Variants in NKAIN2 observed in about 807,000 individuals in gnomAD.
NKAIN2 encodes sodium/potassium-transporting ATPase subunit beta-1-interacting protein 2.
NKAIN2 carries 14 observed loss-of-function variants against 32.6 expected under a neutral mutation model. The ratio of observed to expected loss-of-function variants is 0.43; its 90% CI spans 0.28 to 0.67. NKAIN2 has a LOEUF of 0.67. Among genes scored for constraint, NKAIN2 ranks in the 30% least tolerant of loss-of-function variants. The probability of loss-of-function intolerance (pLI) is 0.17; values close to 1 mark genes in which losing one functional copy is unlikely to be tolerated. For synonymous variants in NKAIN2, 80 were observed against 87.2 expected, an observed-to-expected ratio of 0.92 and a Z score of 0.46; for missense variants, 198 against 258.3, an observed-to-expected ratio of 0.77 and a Z score of 1.60.
chr6:124,526,116 G>T (rs192256609), intron 3 of NKAIN2, among the ~76,000 whole-genome samples: 305 of 152,180 alleles, frequency 2.0e-3, no homozygotes, highest in Non-Finnish European at 3.4e-3. Flanking sequence ...CTAGATAGAA[G>T]AAATGATCAT....
chr6:124,148,206 G>T (rs1397698252), intron 1 of NKAIN2, among the ~76,000 whole-genome samples: 1 of 151,904 alleles, frequency 6.6e-6, no homozygotes, highest in Non-Finnish European at 1.5e-5. Flanking sequence ...TAGAGAGTTT[G>T]CACTTTTGTG....
At chr6:124,577,548 G>A (rs750263114) in intron 3 of NKAIN2, among the ~76,000 whole-genome samples, 3 of 152,092 alleles carry the variant, frequency 2.0e-5, no homozygotes, top group African/African-American at 2.4e-5. Context: ...CTTCCCAGAC[G>A]TCAGAACCTG....
chr6:124,629,226 G>A (rs1317781269), intron 3 of NKAIN2, among the ~76,000 whole-genome samples: 3 of 152,080 alleles, frequency 2.0e-5, no homozygotes, highest in African/African-American at 7.2e-5. Context: ...AACCCCAGGG[G>A]TATAATTATC....
intron 2 of NKAIN2, among the ~76,000 whole-genome samples, chr6:124,349,258 A>G (rs947222633): frequency 6.6e-6 from 1 of 152,042 alleles, no homozygotes; most frequent in African/African-American, 2.4e-5. Flanking sequence ...ATTGAATCCC[A>G]GGTTACCACA....
intron 3 of NKAIN2, among the ~76,000 whole-genome samples, chr6:124,427,164 G>A (rs1401510769): frequency 6.6e-6 from 1 of 152,034 alleles, no homozygotes; most frequent in Non-Finnish European, 1.5e-5. Flanking sequence ...CTAGGTATTT[G>A]CCCAAGAGAA....
intron 3 of NKAIN2, among the ~76,000 whole-genome samples, chr6:124,608,908 C>T (rs1782591015): frequency 6.6e-6 from 1 of 152,146 alleles, no homozygotes; most frequent in South Asian, 2.1e-4. Flanking sequence ...GTGTTAATGA[C>T]ATTCGAGGTA....
chr6:124,791,888 C>G (rs1368701022), intron 5 of NKAIN2, among the ~76,000 whole-genome samples: 3 of 152,150 alleles, frequency 2.0e-5, no homozygotes, highest in African/African-American at 7.2e-5. Context: ...AAATGTCCAT[C>G]TGTCCTTTTT....
chr6:124,621,828 C>A (rs1172674253), intron 3 of NKAIN2, among the ~76,000 whole-genome samples: 3 of 152,118 alleles, frequency 2.0e-5, no homozygotes, highest in African/African-American at 7.2e-5. Context: ...ACTTCCTTTC[C>A]TCACTGCTTT....
chr6:123,809,599 C>T (rs547586401), intron 1 of NKAIN2, among the ~76,000 whole-genome samples: 1 of 152,088 alleles, frequency 6.6e-6, no homozygotes, highest in African/African-American at 2.4e-5. Flanking sequence ...CATGTGCGCA[C>T]GTAATAAATT....
chr6:124,663,292 G>A (rs932460244), intron 4 of NKAIN2, among the ~76,000 whole-genome samples: 3 of 151,930 alleles, frequency 2.0e-5, no homozygotes, highest in Admixed American at 2.0e-4. Flanking sequence ...ATAGCCAGGT[G>A]TGGTGGTGCA....
intron 5 of NKAIN2, among the ~76,000 whole-genome samples, chr6:124,793,641 G>A (rs1357711709): frequency 1.5e-5 from 2 of 135,562 alleles, no homozygotes; most frequent in Non-Finnish European, 1.5e-5. Flanking sequence ...CCTCTCAAAG[G>A]AAATCTCAGA....
intron 3 of NKAIN2, among the ~76,000 whole-genome samples, chr6:124,616,461 T>G: frequency 5.0e-5 from 1 of 19,882 alleles, no homozygotes; most frequent in Non-Finnish European, 1.2e-4. Context: ...TTTTTTTTTT[T>G]TTTTTTTTTT....
At chr6:124,638,005 A>G (rs2114340562) in intron 3 of NKAIN2, among the ~76,000 whole-genome samples, 1 of 152,304 alleles carries the variant, frequency 6.6e-6, no homozygotes, top group African/African-American at 2.4e-5. Flanking sequence ...AACTTAAAAA[A>G]TATATATGCT....
chr6:124,689,757 G>A (rs897550658), intron 4 of NKAIN2, among the ~76,000 whole-genome samples: 3 of 152,054 alleles, frequency 2.0e-5, no homozygotes, highest in African/African-American at 4.8e-5. Flanking sequence ...CTGTAACAAA[G>A]ATTAGTTTGA....
chr6:124,389,012 G>A (rs890996200), intron 3 of NKAIN2, among the ~76,000 whole-genome samples: 7 of 151,968 alleles, frequency 4.6e-5, no homozygotes, highest in Non-Finnish European at 7.4e-5. Flanking sequence ...TGGCTATTAC[G>A]TCAATGTTAA....
chr6:123,907,457 G>C (rs1774939707), intron 1 of NKAIN2, among the ~76,000 whole-genome samples: 2 of 151,966 alleles, frequency 1.3e-5, no homozygotes. Flanking sequence ...TGAGGAAATT[G>C]GGGCTCAAAT....
At chr6:124,091,672 C>T (rs1562352692) in intron 1 of NKAIN2, among the ~76,000 whole-genome samples, 1 of 150,534 alleles carries the variant, frequency 6.6e-6, no homozygotes, top group East Asian at 1.9e-4. Flanking sequence ...TTTTTTTTTT[C>T]CCCCCAGCTC....
intron 3 of NKAIN2, among the ~76,000 whole-genome samples, chr6:124,462,070 G>A (rs1280791546): frequency 6.6e-6 from 1 of 151,704 alleles, no homozygotes; most frequent in African/African-American, 2.4e-5. Flanking sequence ...TTAATGTTTA[G>A]GTGTCTTAAA....
chr6:124,353,928 A>G (rs1167938242), intron 2 of NKAIN2, among the ~76,000 whole-genome samples: 1 of 152,196 alleles, frequency 6.6e-6, no homozygotes, highest in Admixed American at 6.5e-5. Context: ...AGCATAAATT[A>G]AAGATGTTGG....
Sources: allele counts gnomAD v4.1 joint callset (sites outside exome capture counted in the v4.1 genomes callset), GRCh38; gene constraint gnomAD v4.1.1; transcripts MANE v1.5; gene names NCBI Gene and HGNC (gene_info 2026-07-23, HGNC 2026-07-21).